Variants in CREM observed in about 807,000 individuals in gnomAD.
CREM encodes the protein cAMP-responsive element modulator.
Under a neutral mutation model 37.3 loss-of-function variants are expected in CREM, and 13 were observed. The ratio of observed to expected loss-of-function variants is 0.35; its 90% confidence interval spans 0.23 to 0.55. The LOEUF (loss-of-function observed/expected upper bound fraction) is 0.55, where lower values mean the gene tolerates loss of function less well. Among genes scored for constraint, CREM ranks in the 20% least tolerant of loss-of-function variants. The pLI is 0.88. For missense variants in CREM, 296 were observed against 362.3 expected (o/e 0.82, Z 1.49); for synonymous variants, 124 against 120.2 (o/e 1.03, Z -0.21).
intron 3 of CREM, among the ~76,000 whole-genome samples, chr10:35,173,080 G>GA (rs1221733310): frequency 6.6e-6 from 1 of 152,154 alleles, no homozygotes; most frequent in Non-Finnish European, 1.5e-5. Flanking sequence ...TCCACGTTTG[G>GA]AAGATCTCCT....
chr10:35,202,831 A>G (rs761640285), intron 6 of CREM, among the ~76,000 whole-genome samples: 2 of 152,172 alleles, frequency 1.3e-5, no homozygotes, highest in Non-Finnish European at 1.5e-5. Context: ...GAACTAATAC[A>G]TCTGAATATA....
At chr10:35,129,756 T>G (rs2088940286) in intron 1 of CREM, among the ~76,000 whole-genome samples, 1 of 152,216 alleles carries the variant, frequency 6.6e-6, no homozygotes, top group African/African-American at 2.4e-5. Context: ...TTACCAACAT[T>G]GATTGATAAG....
At chr10:35,150,170 T>C (rs1243980643) in intron 3 of CREM, among the ~76,000 whole-genome samples, 1 of 152,148 alleles carries the variant, frequency 6.6e-6, no homozygotes, top group African/African-American at 2.4e-5. Context: ...ATTCTGCCCT[T>C]TGCTGAAGTT....
At chr10:35,191,018 C>T (rs1053274522) in intron 6 of CREM, among the ~76,000 whole-genome samples, 1 of 152,052 alleles carries the variant, frequency 6.6e-6, no homozygotes, top group Non-Finnish European at 1.5e-5. Context: ...GTTGACCTAT[C>T]CCAAACCATA....
At chr10:35,161,416 A>T (rs370422787) in intron 3 of CREM, among the ~76,000 whole-genome samples, 1 of 150,770 alleles carries the variant, frequency 6.6e-6, no homozygotes, top group African/African-American at 2.4e-5. Flanking sequence ...AATTGCTTAA[A>T]CCCAGAGGCG....
At chr10:35,133,637 G>A (rs960117243) in intron 1 of CREM, among the ~76,000 whole-genome samples, 3 of 152,202 alleles carry the variant, frequency 2.0e-5, no homozygotes, top group Non-Finnish European at 4.4e-5. Flanking sequence ...GCAAAACTGT[G>A]TTTATTGTCT....
intron 3 of CREM, among the ~76,000 whole-genome samples, chr10:35,163,988 CAAAA>C (rs936459042): frequency 2.3e-4 from 34 of 145,508 alleles, no homozygotes; most frequent in East Asian, 1.2e-3. Context: ...AAAAAAAAAA[CAAAA>C]AAAGAGCCCT....
chr10:35,148,548 G>A (rs2092341287), intron 3 of CREM, 57 bp downstream of exon 3: 1 of 1,547,080 alleles, frequency 6.5e-7, no homozygotes, highest in Non-Finnish European at 8.8e-7. Flanking sequence ...AGAATTAGGT[G>A]CAGATTCTGT....
chr10:35,159,275 G>GA (rs148739569), intron 3 of CREM, among the ~76,000 whole-genome samples: 61 of 145,904 alleles, frequency 4.2e-4, no homozygotes, highest in Non-Finnish European at 4.7e-4. Flanking sequence ...TGTCATGCAG[G>GA]AAAAAAAAAA....
intron 1 of CREM, among the ~76,000 whole-genome samples, chr10:35,130,026 G>A (rs1385582251): frequency 6.6e-6 from 1 of 151,384 alleles, no homozygotes; most frequent in South Asian, 2.1e-4. Flanking sequence ...AAGAAACCCC[G>A]TCTCTACTAA....
intron 6 of CREM, among the ~76,000 whole-genome samples, chr10:35,197,045 G>A (rs563880599): frequency 6.6e-6 from 1 of 151,894 alleles, no homozygotes; most frequent in African/African-American, 2.4e-5. Context: ...TTTTAATAGA[G>A]GCGGGGTTTC....
intron 6 of CREM, among the ~76,000 whole-genome samples, chr10:35,194,277 TA>T (rs774605741): frequency 6.6e-6 from 1 of 152,088 alleles, no homozygotes; most frequent in African/African-American, 2.4e-5. Context: ...TCCAGCTCTC[TA>T]TGTGCCAAGC....
At chr10:35,134,492 CAG>C (rs2090091168) in intron 1 of CREM, among the ~76,000 whole-genome samples, 1 of 152,202 alleles carries the variant, frequency 6.6e-6, no homozygotes, top group African/African-American at 2.4e-5. Flanking sequence ...GCTGGGATTA[CAG>C]GGGTGAGCCA....
At chr10:35,170,176 A>G (rs879772812) in intron 3 of CREM, among the ~76,000 whole-genome samples, 2 of 152,054 alleles carry the variant, frequency 1.3e-5, no homozygotes, top group Admixed American at 6.6e-5. Context: ...CATGTTAGCC[A>G]GGATGGTCTC....
chr10:35,155,635 T>G (rs1455660941), intron 3 of CREM, among the ~76,000 whole-genome samples: 1 of 151,926 alleles, frequency 6.6e-6, no homozygotes, highest in Non-Finnish European at 1.5e-5. Context: ...TCTTTTCTTT[T>G]TTTTTTTGTA....
At chr10:35,137,975 T>C in intron 2 of CREM, 96 bp downstream of exon 2, 1 of 819,934 alleles carries the variant, frequency 1.2e-6, no homozygotes, top group Non-Finnish European at 1.8e-6. Context: ...CATACATGTA[T>C]GTATGTATAT....
intron 6 of CREM, among the ~76,000 whole-genome samples, chr10:35,197,868 A>G (rs2095257943): frequency 6.6e-6 from 1 of 152,180 alleles, no homozygotes; most frequent in African/African-American, 2.4e-5. Context: ...GTTCTGAGGT[A>G]ACCCTATGGA....
At chr10:35,139,309 G>A (rs181862236) in intron 2 of CREM, among the ~76,000 whole-genome samples, 295 of 152,122 alleles carry the variant, frequency 1.9e-3, no homozygotes, top group African/African-American at 6.5e-3. Flanking sequence ...TAGTAGAGAT[G>A]GAGTTTCACC....
chr10:35,195,800 C>A (rs1388030694), intron 6 of CREM: 14 of 505,522 alleles, frequency 2.8e-5, no homozygotes, highest in Non-Finnish European at 4.2e-5. Context: ...TTCCTGGAAT[C>A]GTATTTCAGC....
Sources: gnomAD v4.1 joint callset for allele counts (sites outside exome capture counted in the v4.1 genomes callset) on GRCh38, gnomAD v4.1.1 for gene constraint, MANE v1.5 for transcripts, NCBI Gene and HGNC (gene_info 2026-07-23, HGNC 2026-07-21) for gene names.